Variants in REELD1 observed in about 807,000 individuals in gnomAD.
REELD1 encodes reeler domain containing 1.
A neutral mutation model predicts 6.3 loss-of-function variants in REELD1; 12 were observed. The ratio of observed to expected loss-of-function variants is 1.89; its 90% CI spans 1.21 to 3.07. The LOEUF (loss-of-function observed/expected upper bound fraction) is 3.07, where lower values mean the gene tolerates loss of function less well. Ranked by LOEUF, REELD1 falls within the 30% of genes most tolerant of loss-of-function variation. The probability of loss-of-function intolerance (pLI) is 0.00; values close to 1 mark genes in which losing one functional copy is unlikely to be tolerated. For missense variants in REELD1, 163 were observed against 86.8 expected (o/e 1.88, Z -3.49); for synonymous variants, 57 against 33.6 (o/e 1.70, Z -2.42).
rs1395271853 is a variant in REELD1, at chr4:146,215,124, T to A, written c.-86T>A. On this transcript the variant is annotated 5_prime_UTR_variant, in exon 2 of 8. Transcript: ENST00000623665. ...AGGCTGGAGTGTAGTGATGTGATCA[T>A]AACTCACTGCAGCCTCGACCTCCTG... 6.6e-6 allele frequency: 1 copy of A among 152,092 alleles called. No homozygotes were observed. The highest frequency in any genetic ancestry group is 1.5e-5 in the Non-Finnish European group (1 of 68,140). 9.4% of individuals were successfully genotyped at this position (152,092 alleles called of 1,614,324 possible). A position where few individuals can be genotyped will look rare whatever the true frequency, so the allele number is the denominator to read the frequency against.
Position 146,222,411 on chromosome 4 carries a change from T to C in REELD1, c.263T>C (p.Val88Ala). ...FMGFLLQARR[V>A]SDHQIAGTFV... The stretch of plus-strand genomic sequence containing the variant: ...GGATTTCTCCTTCAGGCTCGAAGAG[T>C]GTCCGATCATCAAATCGCTGGCACT... Residue 88 changes from valine to alanine, a missense_variant, in exon 4 of 8, where the codon GTG becomes GCG. Physicochemically the swap from Val to Ala is moderately conservative, Grantham distance 64. Coordinates refer to ENST00000623665, the MANE Select transcript of REELD1 (RefSeq NM_001354631.1). The C allele has an allele frequency of 2.5e-6, 1 of 398,526 alleles. No homozygotes were observed. Among genetic ancestry groups the C allele is most frequent in the Non-Finnish European group, 4.4e-6 (1 of 226,060 alleles). 24.7% of individuals were successfully genotyped at this position (398,526 alleles called of 1,614,324 possible).
chr4:146,216,688 A>C (rs1247670587), intron 2 of REELD1, among the ~76,000 whole-genome samples: 4 of 152,360 alleles, frequency 2.6e-5, no homozygotes, highest in Non-Finnish European at 4.4e-5. Context: ...ACAACAACAA[A>C]AAAAGCAGTC....
intron 3 of REELD1, among the ~76,000 whole-genome samples, chr4:146,220,693 C>T (rs1041361907): frequency 1.3e-5 from 2 of 152,236 alleles, no homozygotes; most frequent in Admixed American, 1.3e-4. Context: ...AAAGATTGAT[C>T]CTTAGACATT....
At chr4:146,220,611 A>G (rs1401832211) in intron 3 of REELD1, among the ~76,000 whole-genome samples, 2 of 152,278 alleles carry the variant, frequency 1.3e-5, no homozygotes, top group African/African-American at 4.8e-5. Flanking sequence ...TTGACATCGC[A>G]CAGTTTCAGG....
chr4:146,215,735 T>TAA (rs773304852), intron 2 of REELD1, among the ~76,000 whole-genome samples: 3 of 122,870 alleles, frequency 2.4e-5, no homozygotes, highest in East Asian at 2.3e-4. Flanking sequence ...TGCAGGACTA[T>TAA]AAAAAAAAAA....
At chr4:146,220,087 C>T (rs1188055588) in intron 3 of REELD1, among the ~76,000 whole-genome samples, 1 of 152,168 alleles carries the variant, frequency 6.6e-6, no homozygotes. Flanking sequence ...GGACTACAGG[C>T]ACCCACCACC....
intron 2 of REELD1, among the ~76,000 whole-genome samples, chr4:146,216,164 G>C (rs773887605): frequency 6.6e-6 from 1 of 151,958 alleles, no homozygotes; most frequent in Non-Finnish European, 1.5e-5. Flanking sequence ...CTTTTACATT[G>C]CCAAATTTTA....
intron 3 of REELD1, among the ~76,000 whole-genome samples, chr4:146,220,570 G>A (rs907968779): frequency 1.3e-5 from 2 of 152,148 alleles, no homozygotes; most frequent in African/African-American, 2.4e-5. Flanking sequence ...TTCCTGCTCC[G>A]CCATCATCAG....
intron 3 of REELD1, among the ~76,000 whole-genome samples, chr4:146,221,442 C>T (rs989235481): frequency 4.6e-5 from 7 of 152,188 alleles, no homozygotes; most frequent in Non-Finnish European, 8.8e-5. Flanking sequence ...TTTATAGTTC[C>T]AGCACTAGTG....
intron 3 of REELD1, among the ~76,000 whole-genome samples, chr4:146,220,485 T>A (rs547701736): frequency 6.6e-6 from 1 of 152,206 alleles, no homozygotes; most frequent in East Asian, 1.9e-4. Flanking sequence ...TTTTCTCTCT[T>A]AAGTGTGGAG....
chr4:146,222,143 A>T (rs1730935309), intron 3 of REELD1, among the ~76,000 whole-genome samples: 1 of 152,154 alleles, frequency 6.6e-6, no homozygotes, highest in South Asian at 2.1e-4. Context: ...AAAGAAAAAA[A>T]GTTTCTAGTT....
intron 6 of REELD1, 35 bp downstream of exon 6, chr4:146,228,557 A>G: frequency 1.5e-6 from 1 of 684,698 alleles, no homozygotes; most frequent in South Asian, 1.5e-5. Context: ...AGGACAGGTG[A>G]TGGGACTAGG....
intron 5 of REELD1, among the ~76,000 whole-genome samples, chr4:146,225,183 AAG>A (rs1730998962): frequency 6.6e-6 from 1 of 152,112 alleles, no homozygotes; most frequent in African/African-American, 2.4e-5. Flanking sequence ...CTCCTGAAAA[AAG>A]AAAAGAAAAG....
chr4:146,215,273 G>T (rs1730803341), intron 2 of REELD1, 75 bp downstream of exon 2: 1 of 152,226 alleles, frequency 6.6e-6, no homozygotes, highest in Non-Finnish European at 1.5e-5. Context: ...GAAGAACCCT[G>T]AGCCCCCTTG....
intron 3 of REELD1, among the ~76,000 whole-genome samples, chr4:146,217,378 G>A (rs188613520): frequency 6.6e-6 from 1 of 152,228 alleles, no homozygotes; most frequent in East Asian, 1.9e-4. Context: ...AAGAAGCTGG[G>A]ACTACAGGCA....
rs761173687 is a variant in REELD1 at position 146,230,302 on chromosome 4, C to G, written c.1370C>G (p.Ala457Gly). 1 of 398,818 alleles carries G rather than the reference C, an allele frequency of 2.5e-6. No homozygotes were observed. The highest frequency in any genetic ancestry group is 4.4e-6 in the Non-Finnish European group (1 of 226,308). The allele number at this position is 398,818 out of a possible 1,614,324, so 24.7% of individuals were successfully genotyped here. ...LLCLSATLGMALAAGLRYLHT... is the reference protein window; with the variant it reads ...LLCLSATLGMGLAAGLRYLHT... ...TGCCTGTCAGCCACCCTGGGCATGG[C>G]CCTGGCCGCTGGCCTTCGCTACCTG... The change falls in exon 8 of 8, where the codon GCC becomes GGC. Residue 457 changes from alanine to glycine, a missense_variant. Coordinates refer to ENST00000623665, the MANE Select transcript of REELD1 (RefSeq NM_001354631.1).
intron 3 of REELD1, among the ~76,000 whole-genome samples, chr4:146,218,435 C>T (rs76138096): frequency 0.011 from 1,743 of 152,324 alleles, 29 homozygotes; most frequent in African/African-American, 0.039. Flanking sequence ...AGCTCCAACA[C>T]ATCAGCAACT....
intron 2 of REELD1, among the ~76,000 whole-genome samples, chr4:146,216,192 G>A (rs1174495027): frequency 6.6e-6 from 1 of 152,036 alleles, no homozygotes; most frequent in Non-Finnish European, 1.5e-5. Context: ...CTCTTGATGG[G>A]AATTAGAGGT....
intron 5 of REELD1, among the ~76,000 whole-genome samples, chr4:146,227,596 A>C (rs1238565144): frequency 6.6e-6 from 1 of 152,222 alleles, no homozygotes; most frequent in African/African-American, 2.4e-5. Context: ...CAAAGCCAGA[A>C]ATTAGTGGAC....
Sources: gnomAD v4.1 joint callset for allele counts (sites outside exome capture counted in the v4.1 genomes callset) on GRCh38, gnomAD v4.1.1 for gene constraint, MANE v1.5 for transcripts, NCBI Gene and HGNC (gene_info 2026-07-23, HGNC 2026-07-21) for gene names.